The following XCR1 variants were observed in gnomAD, a reference collection of about 807,000 sequenced individuals.
XCR1 encodes the protein X-C motif chemokine receptor 1.
For synonymous variants in XCR1, 187 were observed against 188.5 expected, an observed-to-expected ratio of 0.99 and a Z score of 0.06; for missense variants, 356 against 424.2, an observed-to-expected ratio of 0.84 and a Z score of 1.41.
At chr3:46,032,782 C>T (rs1022889278) in intron 5 of XCR1, among the ~76,000 whole-genome samples, 26 of 152,226 alleles carry the variant, frequency 1.7e-4, no homozygotes, top group African/African-American at 6.0e-4. Flanking sequence ...TCCACATTCA[C>T]GTTAGCATTT....
intron 3 of XCR1, among the ~76,000 whole-genome samples, chr3:46,072,352 CTACAAAAAA>C (rs1698176718): frequency 6.6e-6 from 1 of 151,974 alleles, no homozygotes; most frequent in Admixed American, 6.6e-5. Context: ...AATCCTGTTT[CTACAAAAAA>C]TACAAAAAAT....
At chr3:46,038,599 C>G (rs1244631910) in intron 5 of XCR1, among the ~76,000 whole-genome samples, 2 of 152,122 alleles carry the variant, frequency 1.3e-5, no homozygotes, top group Non-Finnish European at 2.9e-5. Flanking sequence ...TCCTAGGCTA[C>G]CTTTGTCAAG....
At chr3:46,071,461 C>T (rs1174937563) in intron 3 of XCR1, among the ~76,000 whole-genome samples, 2 of 152,056 alleles carry the variant, frequency 1.3e-5, no homozygotes, top group Non-Finnish European at 2.9e-5. Flanking sequence ...TGACTCATTC[C>T]ACAAAGCCAG....
At chr3:46,052,220 T>C (rs2125899462) in intron 5 of XCR1, among the ~76,000 whole-genome samples, 1 of 152,262 alleles carries the variant, frequency 6.6e-6, no homozygotes, top group Admixed American at 6.5e-5. Flanking sequence ...TGTAACCCTT[T>C]GTCTGGCTGG....
Position 46,056,105 on chromosome 3 carries a change from A to T in XCR1, c.-182-2035T>A, listed in dbSNP as rs6773520. Among the ~76,000 whole-genome samples the T allele has an allele frequency of 4.6e-3, 700 of 152,278 alleles. 6 individuals are homozygous for T. Among genetic ancestry groups the T allele is most frequent in the African/African-American group, 0.016 (647 of 41,562 alleles). The stretch of plus-strand genomic sequence containing the variant: ...CTCTTGACTCCTTAGGCTGGCTGGG[A>T]CTGTCTTCCTCCACTCTTCTTCCTA... On this transcript the variant is annotated intron_variant, in intron 4 of 5. Transcript: ENST00000683768.
At chr3:46,062,527 C>T (rs1697983752) in intron 4 of XCR1, among the ~76,000 whole-genome samples, 2 of 152,210 alleles carry the variant, frequency 1.3e-5, no homozygotes, top group Non-Finnish European at 2.9e-5. Flanking sequence ...CTTTTTCCTT[C>T]CCCCTTCCTT....
intron 5 of XCR1, among the ~76,000 whole-genome samples, chr3:46,034,533 CT>C (rs1697380635): frequency 6.6e-6 from 1 of 152,038 alleles, no homozygotes; most frequent in South Asian, 2.1e-4. Flanking sequence ...TGACGTGCTC[CT>C]ATTCTTAGGG....
chr3:46,075,573 G>A (rs1369300981), intron 2 of XCR1, among the ~76,000 whole-genome samples: 1 of 151,992 alleles, frequency 6.6e-6, no homozygotes, highest in African/African-American at 2.4e-5. Flanking sequence ...CCTGCAAAAG[G>A]CCCTGTTAAG....
chr3:46,032,824 A>AAT (rs1708424464), intron 5 of XCR1, among the ~76,000 whole-genome samples: 1 of 152,220 alleles, frequency 6.6e-6, no homozygotes, highest in Non-Finnish European at 1.5e-5. Flanking sequence ...TATCCATTCT[A>AAT]ATACGTGCAT....
chr3:46,049,408 G>C (rs1697697558), intron 5 of XCR1, among the ~76,000 whole-genome samples: 1 of 152,178 alleles, frequency 6.6e-6, no homozygotes, highest in Non-Finnish European at 1.5e-5. Flanking sequence ...TCATTACCTA[G>C]AGATAGTGGC....
At chr3:46,067,526 C>A (rs1313950401) in intron 3 of XCR1, among the ~76,000 whole-genome samples, 1 of 152,138 alleles carries the variant, frequency 6.6e-6, no homozygotes, top group African/African-American at 2.4e-5. Context: ...TCACCCATAG[C>A]ACATTCTTAC....
At chr3:46,038,543 C>T (rs1313386135) in intron 5 of XCR1, among the ~76,000 whole-genome samples, 2 of 152,022 alleles carry the variant, frequency 1.3e-5, no homozygotes, top group African/African-American at 4.8e-5. Context: ...CATTTTGTTT[C>T]CTATGCATTT....
At chr3:46,085,040 G>GC (rs2125905494) in intron 1 of XCR1, among the ~76,000 whole-genome samples, 2 of 152,222 alleles carry the variant, frequency 1.3e-5, no homozygotes, top group Non-Finnish European at 2.9e-5. Context: ...TGGGCAGCTG[G>GC]CCTCACATTG....
chr3:46,047,037 A>G (rs1019939770), intron 5 of XCR1, among the ~76,000 whole-genome samples: 7 of 100,872 alleles, frequency 6.9e-5, no homozygotes, highest in African/African-American at 2.2e-4. Flanking sequence ...CCCTAACCAT[A>G]GAACCGTGGA....
upstream of XCR1, among the ~76,000 whole-genome samples, chr3:46,028,132 T>C (rs185543365): frequency 4.6e-5 from 7 of 152,326 alleles, 1 homozygote; most frequent in East Asian, 1.3e-3. Flanking sequence ...TGAGAGCTTT[T>C]CTGTGGCTTA....
At chr3:46,046,794 C>T (rs1697638057) in intron 5 of XCR1, among the ~76,000 whole-genome samples, 1 of 152,170 alleles carries the variant, frequency 6.6e-6, no homozygotes, top group African/African-American at 2.4e-5. Flanking sequence ...GGAATTTGGT[C>T]CAGTCTTCTA....
intron 3 of XCR1, among the ~76,000 whole-genome samples, chr3:46,072,682 A>G (rs984529744): frequency 6.6e-5 from 10 of 152,186 alleles, no homozygotes; most frequent in African/African-American, 2.4e-4. Flanking sequence ...TGTCAAAATG[A>G]CCATACTGCC....
intron 5 of XCR1, among the ~76,000 whole-genome samples, chr3:46,038,132 A>G (rs1697470983): frequency 6.6e-6 from 1 of 151,354 alleles, no homozygotes; most frequent in Non-Finnish European, 1.5e-5. Flanking sequence ...GGTTCAAGCA[A>G]TTTTTCTGCC....
chr3:46,021,180 G>T lies in XCR1; in HGVS notation c.768C>A (p.Ile256=), dbSNP rs200376617. The change falls in exon 2 of 2, where the codon ATC becomes ATA. Residue 256 remains isoleucine, a synonymous_variant. Coordinates refer to ENST00000309285, the MANE Select transcript of XCR1 (RefSeq NM_001024644.2). This position sits in a 1 kb window ranked among gnomAD's most constrained non-coding sequence, Gnocchi z 4.7. ...GCTGCTGTTTGGCCTCGCAGCTCCG[G>T]ATGATCTGGGTCCGAAACAGCGTCT... The part of the protein sequence containing the change: ...FLQTLFRTQI[I]RSCEAKQQLE... 5.6e-6 allele frequency: 9 copies of T among 1,614,264 alleles called. No homozygotes were observed. Among genetic ancestry groups the T allele is most frequent in the Non-Finnish European group, 7.6e-6 (9 of 1,180,046 alleles).
Sources: gnomAD v4.1 joint callset for allele counts (sites outside exome capture counted in the v4.1 genomes callset) on GRCh38, gnomAD v4.1.1 for gene constraint, Gnocchi (gnomAD v3.1) non-coding constraint, MANE v1.5 for transcripts, NCBI Gene and HGNC (gene_info 2026-07-23, HGNC 2026-07-21) for gene names.